The following CAMSAP2 variants were observed in gnomAD, a reference collection of about 807,000 sequenced individuals.
CAMSAP2 encodes calmodulin regulated spectrin associated protein family member 2.
In CAMSAP2, 26 loss-of-function variants were observed where a neutral mutation model predicts 146.1. That is an observed-to-expected ratio of 0.18 (90% CI 0.13 to 0.25). The LOEUF (loss-of-function observed/expected upper bound fraction) is 0.25. CAMSAP2 is among the 10% of genes least tolerant of loss of function. The pLI is 1.00. For missense variants in CAMSAP2, 1,381 were observed against 1,759.3 expected, an observed-to-expected ratio of 0.78 and a Z score of 3.85; for synonymous variants, 499 against 596.6, an observed-to-expected ratio of 0.84 and a Z score of 2.38.
intron 2 of CAMSAP2, among the ~76,000 whole-genome samples, chr1:200,791,137 A>G (rs1665741026): frequency 6.6e-6 from 1 of 152,184 alleles, no homozygotes; most frequent in Non-Finnish European, 1.5e-5. Context: ...GAGCCACTGC[A>G]TCCGGCCTTT....
chr1:200,814,108 C>CA (rs34408164), intron 3 of CAMSAP2, among the ~76,000 whole-genome samples: 5,065 of 28,662 alleles, frequency 0.18, 416 homozygotes, highest in East Asian at 0.38. Context: ...ACTGTGTTTC[C>CA]AAAAAAAAAA....
Position 200,849,172 on chromosome 1 carries a change from A to G in CAMSAP2, c.2403A>G (p.Leu801=). Residue 801 remains leucine (L), a synonymous_variant, in exon 11 of 17, where the codon CTA becomes CTG. Coordinates refer to ENST00000358823, the MANE Select transcript of CAMSAP2 (RefSeq NM_203459.4). This position sits in a 1 kb window ranked among gnomAD's most constrained non-coding sequence, Gnocchi z 6.3. ...VKKKGDGISP[L]REEAAGAEDE... is the part of the protein sequence containing the mutation. ...AGAAAGGGGATGGGATATCTCCTCTACGAGAGGAAGCGGCGGGTGCAGAAG... is the reference window on the plus strand; with the variant it reads ...AGAAAGGGGATGGGATATCTCCTCTGCGAGAGGAAGCGGCGGGTGCAGAAG... 1 of 1,613,956 alleles carries G rather than the reference A, an allele frequency of 6.2e-7. No individual in the cohort carries two copies. Among genetic ancestry groups the G allele is most frequent in the Non-Finnish European group, 8.5e-7 (1 of 1,179,912 alleles).
chr1:200,853,554 C>T lies in CAMSAP2; in HGVS notation c.3823+59C>T. 2 of 1,330,878 alleles carry T rather than the reference C, an allele frequency of 1.5e-6. No homozygotes were observed. Among genetic ancestry groups the T allele is most frequent in the Non-Finnish European group, 2.1e-6 (2 of 941,588 alleles). The allele number at this position is 1,330,878 out of a possible 1,614,324, so 82.4% of individuals were successfully genotyped here. On this transcript the variant is annotated intron_variant, in intron 13 of 16. Transcript: ENST00000358823. This position sits in a 1 kb window ranked among gnomAD's most constrained non-coding sequence, Gnocchi z 5.1. ...AAAAACACCAGCTTGATTGGTTTGT[C>T]ATACTAACTTGGTTGTACTTTGATG...
intron 14 of CAMSAP2, 65 bp from the exon 15 acceptor site, chr1:200,855,945 G>T: frequency 9.5e-7 from 1 of 1,049,084 alleles, no homozygotes. Flanking sequence ...TTACTTTCAC[G>T]TATACCCTCT....
chr1:200,839,353 A>G lies in CAMSAP2; in HGVS notation c.928-2641A>G, dbSNP rs372431688. On this transcript the variant is annotated intron_variant, in intron 6 of 16. Transcript: ENST00000358823. ...GTCAGTAGAGGCCTGCTCCTAAAAG[A>G]AGTTTGTGAAGAGGTAAAAAGATGG... 7.9e-5 allele frequency among the ~76,000 whole-genome samples: 12 copies of G among 152,182 alleles called. No homozygotes were observed. The East Asian group carries it at 1.5e-3, about 20-fold the overall frequency.
chr1:200,766,172 C>G (rs1206751048), intron 2 of CAMSAP2, among the ~76,000 whole-genome samples: 1 of 145,432 alleles, frequency 6.9e-6, no homozygotes, highest in African/African-American at 2.6e-5. Context: ...GAGACAGGAT[C>G]TCACTCTGTT....
At chr1:200,744,333 A>C (rs1031824098) in intron 1 of CAMSAP2, among the ~76,000 whole-genome samples, 6 of 152,202 alleles carry the variant, frequency 3.9e-5, no homozygotes, top group Admixed American at 3.9e-4. Flanking sequence ...GGAATGTGTA[A>C]GAGGGTGAGG....
intron 2 of CAMSAP2, among the ~76,000 whole-genome samples, chr1:200,796,516 C>G (rs1434682094): frequency 4.6e-5 from 7 of 152,108 alleles, no homozygotes; most frequent in African/African-American, 1.7e-4. Context: ...ACCTGGGATT[C>G]TGATAGAGAT....
intron 2 of CAMSAP2, among the ~76,000 whole-genome samples, chr1:200,763,599 C>A (rs1414553080): frequency 7.9e-5 from 12 of 152,160 alleles, no homozygotes; most frequent in Admixed American, 7.2e-4. Flanking sequence ...ATCATCTTAA[C>A]CCTTTGCAGT....
In CAMSAP2 at chr1:200,763,313, C is replaced by T. The variant is rs184096369; in HGVS notation, c.399+2215C>T. Among the ~76,000 whole-genome samples, 10 of 152,010 alleles carry T rather than the reference C, an allele frequency of 6.6e-5. No individual in the cohort carries two copies. The East Asian group carries it at 1.6e-3, about 24-fold the overall frequency. ...CAGCACTTTGGGAGACAAAGGCTGG[C>T]GGATCACCTGAGGTCAGGAGTTTGA... On this transcript the variant is annotated intron_variant, in intron 2 of 16. Coordinates refer to ENST00000358823, the MANE Select transcript of CAMSAP2 (RefSeq NM_203459.4).
chr1:200,809,434 T>G (rs941955445), intron 3 of CAMSAP2, among the ~76,000 whole-genome samples: 6 of 128,804 alleles, frequency 4.7e-5, no homozygotes, highest in African/African-American at 1.3e-4. Context: ...TAGTCCATTT[T>G]CTTCTTGTAA....
At chr1:200,855,846 C>T (rs1475642071) in intron 14 of CAMSAP2, among the ~76,000 whole-genome samples, 164 bp from the exon 15 acceptor site, 10 of 152,118 alleles carry the variant, frequency 6.6e-5, no homozygotes, top group African/African-American at 1.4e-4. Flanking sequence ...CTACCTGCCT[C>T]GGCCTCCCAA....
intron 1 of CAMSAP2, among the ~76,000 whole-genome samples, chr1:200,759,033 CT>C (rs996563729): frequency 2.6e-5 from 4 of 152,240 alleles, no homozygotes; most frequent in Admixed American, 6.5e-5. Context: ...TCAGCACCTC[CT>C]TGTTAGCTAA....
intron 4 of CAMSAP2, among the ~76,000 whole-genome samples, chr1:200,819,796 A>G (rs1666700098): frequency 6.6e-6 from 1 of 152,234 alleles, no homozygotes; most frequent in South Asian, 2.1e-4. Flanking sequence ...TATGTATATT[A>G]CTAGTAGATT....
intron 11 of CAMSAP2, among the ~76,000 whole-genome samples, chr1:200,851,851 A>G (rs1667627135): frequency 6.6e-6 from 1 of 152,234 alleles, no homozygotes; most frequent in Non-Finnish European, 1.5e-5. Flanking sequence ...CTTCTACAAC[A>G]GCTTGTTACT....
At chr1:200,755,272 A>G (rs1335046729) in intron 1 of CAMSAP2, among the ~76,000 whole-genome samples, 1 of 152,250 alleles carries the variant, frequency 6.6e-6, no homozygotes. Context: ...TACATAGTGT[A>G]TAGCTAAATC....
chr1:200,814,880 T>C (rs1415625412), intron 3 of CAMSAP2, among the ~76,000 whole-genome samples: 1 of 152,138 alleles, frequency 6.6e-6, no homozygotes, highest in African/African-American at 2.4e-5. Context: ...TATTGATTGT[T>C]ACTAGAGTGA....
At chr1:200,759,398 C>A (rs1664738705) in intron 1 of CAMSAP2, among the ~76,000 whole-genome samples, 1 of 151,868 alleles carries the variant, frequency 6.6e-6, no homozygotes, top group Non-Finnish European at 1.5e-5. Flanking sequence ...ACTGTCTCAA[C>A]CTCCCAAGTA....
At chr1:200,754,929 T>C (rs776966245) in intron 1 of CAMSAP2, among the ~76,000 whole-genome samples, 1 of 152,168 alleles carries the variant, frequency 6.6e-6, no homozygotes, top group Non-Finnish European at 1.5e-5. Flanking sequence ...GATAGACTCA[T>C]TGATGCGTGT....
Sources: gnomAD v4.1 joint callset for allele counts (sites outside exome capture counted in the v4.1 genomes callset) on GRCh38, gnomAD v4.1.1 for gene constraint, Gnocchi (gnomAD v3.1) non-coding constraint, MANE v1.5 for transcripts, NCBI Gene and HGNC (gene_info 2026-07-23, HGNC 2026-07-21) for gene names.